The following FBLN2 variants were observed in gnomAD, a reference collection of about 807,000 sequenced individuals.
The protein encoded by FBLN2 is fibulin 2, also known as fibulin-2.
Under a neutral mutation model 123.7 loss-of-function variants are expected in FBLN2, and 81 were observed. The ratio of observed to expected loss-of-function variants is 0.65; its 90% CI spans 0.55 to 0.79. The LOEUF is 0.79. FBLN2 is among the 30% of genes least tolerant of loss of function. The pLI is 0.00. For missense variants in FBLN2, 1,603 were observed against 1,681.3 expected, an observed-to-expected ratio of 0.95 and a Z score of 0.81; for synonymous variants, 699 against 701.4, an observed-to-expected ratio of 1.00 and a Z score of 0.05.
chr3:13,599,880 TG>T (rs1260122612), intron 2 of FBLN2, among the ~76,000 whole-genome samples: 1 of 116,616 alleles, frequency 8.6e-6, no homozygotes, highest in Non-Finnish European at 1.8e-5. Context: ...GCATGTGACA[TG>T]GGGGGCGGGG....
At position 13,614,105 on chromosome 3, in the gene FBLN2, A is replaced by G; in HGVS notation, c.1670A>G (p.Glu557Gly). The G allele has an allele frequency of 3.1e-6, 5 of 1,613,586 alleles. No individual in the cohort carries two copies. The highest frequency in any genetic ancestry group is 4.5e-5 in the East Asian group (2 of 44,870). Residue 557 changes from glutamate (E) to glycine (G), a missense_variant, in exon 5 of 18, where the codon GAG (glutamate) becomes GGG (glycine). By Grantham distance (98) the Glu-to-Gly change is moderately conservative (BLOSUM62 -2). Transcript: ENST00000404922. ...HVMLSCCEGE[E>G]PLIVPEVRRP... ...ATGCTCTCCTGCTGTGAGGGTGAAG[A>G]GCCTCTCATAGTACCTGAGGTTCGC... is the stretch of plus-strand genomic sequence containing the variant.
chr3:13,581,932 G>A (rs1704345189), intron 2 of FBLN2, among the ~76,000 whole-genome samples: 1 of 152,094 alleles, frequency 6.6e-6, no homozygotes, highest in Admixed American at 6.5e-5. Flanking sequence ...CTTGGGTCCT[G>A]GCACAGGGCT....
chr3:13,588,078 C>A (rs555616498), intron 2 of FBLN2, among the ~76,000 whole-genome samples: 1 of 152,216 alleles, frequency 6.6e-6, no homozygotes, highest in Admixed American at 6.5e-5. Flanking sequence ...TGAGACCTGT[C>A]TCAGATTTTC....
In FBLN2 at chr3:13,627,874, G is replaced by C. The variant is rs1408263050; in HGVS notation, c.2474G>C (p.Gly825Ala). The C allele has an allele frequency of 6.2e-7, 1 of 1,613,782 alleles. No homozygotes were observed. The highest frequency in any genetic ancestry group is 2.2e-5 in the East Asian group (1 of 44,878). ...CAMGTHTCQP[G>A]FLCQNTKGSF... ...ATGGGCACGCACACCTGCCAGCCGG[G>C]CTTCTTGTGCCAGAACACCAAGGGC... Residue 825 changes from glycine (G) to alanine (A), a missense_variant, in exon 11 of 18, where the codon GGC becomes GCC. Gly to Ala is a moderately conservative substitution (Grantham distance 60). Coordinates refer to ENST00000404922, the MANE Select transcript of FBLN2 (RefSeq NM_001004019.2).
Position 13,608,071 on chromosome 3 carries a change from A to G in FBLN2, c.1316A>G (p.Lys439Arg), listed in dbSNP as rs1312671381. 6.3e-7 allele frequency: 1 copy of G among 1,581,632 alleles called. No individual in the cohort carries two copies. Among genetic ancestry groups the G allele is most frequent in the Middle Eastern group, 1.7e-4 (1 of 6,036 alleles). ...IPRSSPEGST[K>R]DLIETCCAAG... is the part of the protein sequence containing the mutation. Reference sequence around the variant, plus strand: ...ATGTTGCTATCCACAGGCTCCACCAAGGACCTGATCGAGACTTGCTGCGCA... The same window carrying G: ...ATGTTGCTATCCACAGGCTCCACCAGGGACCTGATCGAGACTTGCTGCGCA... Residue 439 changes from lysine to arginine, a missense_variant, in exon 3 of 18, where the codon AAG (lysine) becomes AGG (arginine). Physicochemically the swap from Lys to Arg is conservative, Grantham distance 26. Transcript: ENST00000404922.
chr3:13,571,653 G>A lies in FBLN2; in HGVS notation c.1298G>A (p.Ser433Asn), dbSNP rs1703963375. The change falls in exon 2 of 18, where the codon AGC (serine) becomes AAC (asparagine). Residue 433 changes from serine (S) to asparagine (N), a missense_variant. Physicochemically the swap from Ser to Asn is conservative, Grantham distance 46. Transcript: ENST00000404922. ...TCTGTCCATTCTATCCCCAGAAGTA[G>A]CCCTGAAGGTAAGACCCTGTCCTGG... ...PNSVHSIPRS[S>N]PEGSTKDLIE... is the part of the protein sequence containing the mutation. The A allele has an allele frequency of 6.3e-7, 1 of 1,593,772 alleles. No homozygotes were observed. The highest frequency in any genetic ancestry group is 1.3e-5 in the African/African-American group (1 of 74,590).
chr3:13,634,811 C>T (rs2124914009), intron 16 of FBLN2, among the ~76,000 whole-genome samples: 1 of 152,360 alleles, frequency 6.6e-6, no homozygotes, highest in Non-Finnish European at 1.5e-5. Flanking sequence ...GGTATTGAGT[C>T]CTGGCGTTGC....
intron 2 of FBLN2, among the ~76,000 whole-genome samples, chr3:13,594,197 C>A (rs979385197): frequency 1.3e-5 from 2 of 152,110 alleles, no homozygotes; most frequent in African/African-American, 4.8e-5. Flanking sequence ...ACTGAGGGTG[C>A]GGTTAAACCC....
intron 16 of FBLN2, among the ~76,000 whole-genome samples, chr3:13,633,988 C>T (rs1706359307): frequency 6.6e-6 from 1 of 151,730 alleles, no homozygotes; most frequent in Non-Finnish European, 1.5e-5. Context: ...CACACACACA[C>T]ACACACAGCT....
rs2124903871 is a variant in FBLN2, at chr3:13,626,486, G to A, written c.2338G>A (p.Gly780Ser). The A allele has an allele frequency of 1.3e-6, 2 of 1,578,066 alleles. No individual in the cohort carries two copies. Among genetic ancestry groups the A allele is most frequent in the East Asian group, 2.3e-5 (1 of 42,784 alleles). The part of the protein sequence containing the change: ...CVTDLHTCSR[G>S]EHCVNTLGSF... ...GACGGACCTGCACACGTGCAGCCGG[G>A]GCGAGCACTGTGTGAACACACTGGG... Residue 780 changes from glycine to serine, a missense_variant, in exon 10 of 18, where the codon GGC (glycine) becomes AGC (serine). Physicochemically the swap from Gly to Ser is moderately conservative, Grantham distance 56. Coordinates refer to ENST00000404922, the MANE Select transcript of FBLN2 (RefSeq NM_001004019.2).
intron 13 of FBLN2, 49 bp from the exon 14 acceptor site, chr3:13,629,771 G>GGGGGTGGCC: frequency 6.5e-7 from 1 of 1,537,618 alleles, no homozygotes; most frequent in Non-Finnish European, 8.8e-7. Context: ...GGTGGAGGGA[G>GGGGGTGGCC]CTGGCTTTAG....
intron 2 of FBLN2, among the ~76,000 whole-genome samples, chr3:13,598,944 C>T (rs1254038421): frequency 1.3e-5 from 2 of 152,190 alleles, no homozygotes; most frequent in African/African-American, 4.8e-5. Context: ...TAGTTGGATA[C>T]TCGCCAGTTG....
Position 13,576,728 on chromosome 3 carries a change from C to A in FBLN2, c.1306+5067C>A, listed in dbSNP as rs541528806. ...AGGGGTGGTCAGGGGGATCCCCCCCCCCCGGGTTCACTCATTTATCCACCC... is the reference window on the plus strand; with the variant it reads ...AGGGGTGGTCAGGGGGATCCCCCCCACCCGGGTTCACTCATTTATCCACCC... On this transcript the variant is annotated intron_variant, in intron 2 of 17. Transcript: ENST00000404922. Among the ~76,000 whole-genome samples, 62 of 151,794 alleles carry A rather than the reference C, an allele frequency of 4.1e-4. No individual in the cohort carries two copies. The South Asian group carries it at 7.9e-3, about 19-fold the overall frequency.
intron 2 of FBLN2, among the ~76,000 whole-genome samples, chr3:13,601,551 T>G (rs1291282964): frequency 6.6e-6 from 1 of 152,218 alleles, no homozygotes. Flanking sequence ...CTGAGCCATG[T>G]TCCATTCAGA....
At chr3:13,549,249 C>G (rs1392050413) in intron 1 of FBLN2, 41 bp downstream of exon 1, 10 of 978,666 alleles carry the variant, frequency 1.0e-5, no homozygotes, top group Non-Finnish European at 9.7e-6. Flanking sequence ...TCATCCCCGT[C>G]GGTCCGCGCC....
chr3:13,573,089 C>T (rs1216688282), intron 2 of FBLN2, among the ~76,000 whole-genome samples: 3 of 151,934 alleles, frequency 2.0e-5, no homozygotes, highest in African/African-American at 7.3e-5. Context: ...ATTGGAAAGG[C>T]CCAGAGCTCC....
chr3:13,618,756 C>G (rs2124893908), intron 6 of FBLN2, 148 bp from the exon 7 acceptor site: 1 of 641,300 alleles, frequency 1.6e-6, no homozygotes, highest in East Asian at 2.7e-5. Context: ...TATGCACACT[C>G]CAAACCTCAT....
At chr3:13,616,402 G>C (rs931818637) in intron 5 of FBLN2, among the ~76,000 whole-genome samples, 5 of 152,166 alleles carry the variant, frequency 3.3e-5, no homozygotes, top group Non-Finnish European at 7.4e-5. Context: ...AGGGTGAGCT[G>C]AGCCTGAATC....
At chr3:13,563,451 G>A (rs1290098968) in intron 1 of FBLN2, among the ~76,000 whole-genome samples, 1 of 152,226 alleles carries the variant, frequency 6.6e-6, no homozygotes, top group Non-Finnish European at 1.5e-5. Flanking sequence ...CTCTGAGTGG[G>A]ATGCACCCGG....
Sources: gnomAD v4.1 joint callset for allele counts (sites outside exome capture counted in the v4.1 genomes callset) on GRCh38, gnomAD v4.1.1 for gene constraint, MANE v1.5 for transcripts, NCBI Gene and HGNC (gene_info 2026-07-23, HGNC 2026-07-21) for gene names.